The following ANXA8 variants were observed in gnomAD, a reference collection of about 807,000 sequenced individuals.
ANXA8 encodes the protein annexin A8, also known as VAC-beta.
A neutral mutation model predicts 26.8 loss-of-function variants in ANXA8; 9 were observed. The ratio of observed to expected loss-of-function variants is 0.34; its 90% confidence interval spans 0.20 to 0.59. The LOEUF (loss-of-function observed/expected upper bound fraction) is 0.59, where lower values mean the gene tolerates loss of function less well. Among genes scored for constraint, ANXA8 ranks in the 20% least tolerant of loss-of-function variants. The pLI is 0.84. For synonymous variants in ANXA8, 39 were observed against 94.8 expected (o/e 0.41, Z 3.42); for missense variants, 83 against 238.5 (o/e 0.35, Z 4.29).
At chr10:47,524,166 A>T in the ANXA8 span, among the ~76,000 whole-genome samples, 3 of 132,338 alleles carry the variant, frequency 2.3e-5, no homozygotes, top group East Asian at 6.9e-4. Context: ...CATTCCTCGA[A>T]GCCAGCTTCC....
the ANXA8 span, among the ~76,000 whole-genome samples, chr10:47,639,841 T>C: frequency 7.0e-6 from 1 of 142,292 alleles, no homozygotes; most frequent in Non-Finnish European, 1.5e-5. Context: ...GCAGTGGCAT[T>C]ATCTCGACTC....
chr10:47,894,695 C>T, the ANXA8 span, among the ~76,000 whole-genome samples: 27 of 152,072 alleles, frequency 1.8e-4, no homozygotes, highest in Non-Finnish European at 2.9e-5. Context: ...CATACAGACA[C>T]ACATACTAAC....
chr10:47,950,484 C>G, the ANXA8 span, among the ~76,000 whole-genome samples: 1 of 151,254 alleles, frequency 6.6e-6, no homozygotes, highest in East Asian at 2.0e-4. Flanking sequence ...GTTTAATCAA[C>G]AGCGCAATAA....
the ANXA8 span, among the ~76,000 whole-genome samples, chr10:47,679,902 A>G: frequency 1.3e-5 from 2 of 152,066 alleles, no homozygotes; most frequent in African/African-American, 4.8e-5. Context: ...TGGGAGACAG[A>G]GCAAGATCCT....
At chr10:47,682,533 G>A in the ANXA8 span, among the ~76,000 whole-genome samples, 17 of 147,948 alleles carry the variant, frequency 1.1e-4, no homozygotes, top group Non-Finnish European at 8.9e-5. Context: ...ACAGTGACGC[G>A]ATCTTGGCTC....
chr10:47,759,524 CG>C, the ANXA8 span: 3 of 250,860 alleles, frequency 1.2e-5, no homozygotes, highest in Admixed American at 7.0e-5. Context: ...TCAAGGGTCC[CG>C]GGGGCTGCAG....
At chr10:47,895,288 G>A in the ANXA8 span, among the ~76,000 whole-genome samples, 3 of 152,342 alleles carry the variant, frequency 2.0e-5, no homozygotes, top group Non-Finnish European at 4.4e-5. Flanking sequence ...AACCAGGAGT[G>A]CTTGGAGGGA....
chr10:47,607,407 C>A, the ANXA8 span, among the ~76,000 whole-genome samples: 3 of 149,460 alleles, frequency 2.0e-5, no homozygotes, highest in South Asian at 2.1e-4. Context: ...GTTCATCCAG[C>A]CTTCATTCAC....
the ANXA8 span, among the ~76,000 whole-genome samples, chr10:47,674,741 ATAT>A: frequency 6.6e-6 from 1 of 151,786 alleles, no homozygotes; most frequent in Non-Finnish European, 1.5e-5. Flanking sequence ...AATTTTTAAA[ATAT>A]TAGTATGGAC....
the ANXA8 span, among the ~76,000 whole-genome samples, chr10:47,761,102 GCACACACACACACACA>G: frequency 1.4e-5 from 2 of 145,492 alleles, no homozygotes; most frequent in African/African-American, 5.1e-5. Flanking sequence ...ACACACACAC[GCACACACACACACACA>G]CACACACACA....
the ANXA8 span, among the ~76,000 whole-genome samples, chr10:47,743,176 A>C: frequency 7.2e-6 from 1 of 139,288 alleles, no homozygotes; most frequent in Non-Finnish European, 1.5e-5. Flanking sequence ...GTCTCAAAAA[A>C]AAAAAAAAAA....
At chr10:47,719,163 T>C in the ANXA8 span, among the ~76,000 whole-genome samples, 3 of 129,686 alleles carry the variant, frequency 2.3e-5, no homozygotes, top group Non-Finnish European at 4.9e-5. Context: ...TTTGGCTTTT[T>C]TTTTTTTTTT....
the ANXA8 span, chr10:47,716,003 C>T: frequency 1.0e-5 from 13 of 1,250,186 alleles, no homozygotes; most frequent in African/African-American, 6.6e-5. Flanking sequence ...CCCCGCTCAG[C>T]CTTTCGCGTA....
the ANXA8 span, among the ~76,000 whole-genome samples, chr10:47,556,588 AT>A: frequency 6.6e-6 from 1 of 151,858 alleles, no homozygotes; most frequent in Non-Finnish European, 1.5e-5. Flanking sequence ...AATACCTAAC[AT>A]AAAAGAAAGC....
chr10:47,530,448 G>A, the ANXA8 span, among the ~76,000 whole-genome samples: 5 of 148,778 alleles, frequency 3.4e-5, no homozygotes, highest in South Asian at 2.1e-4. Flanking sequence ...AGCACTTTGG[G>A]AGGCTGAGGC....
At chr10:47,658,449 G>A in the ANXA8 span, among the ~76,000 whole-genome samples, 202 of 149,700 alleles carry the variant, frequency 1.3e-3, 1 homozygote, top group Admixed American at 2.8e-3. Flanking sequence ...ACTACTGGAT[G>A]CCTGTTTGGT....
chr10:47,626,120 T>A, the ANXA8 span, among the ~76,000 whole-genome samples: 3 of 150,398 alleles, frequency 2.0e-5, 1 homozygote, highest in African/African-American at 7.5e-5. Flanking sequence ...GACAATTATA[T>A]GTTATTTGAA....
chr10:47,485,871 G>A (rs1308855487), upstream of ANXA8, among the ~76,000 whole-genome samples: 1 of 151,880 alleles, frequency 6.6e-6, no homozygotes, highest in Non-Finnish European at 1.5e-5. Context: ...CACTTTGGGA[G>A]GCCAAGACAG....
the ANXA8 span, among the ~76,000 whole-genome samples, chr10:47,683,127 G>A: frequency 1.3e-5 from 2 of 151,518 alleles, no homozygotes; most frequent in Non-Finnish European, 1.5e-5. Context: ...TTTTGTTTCT[G>A]AGGAAAAAAA....
Sources: allele counts gnomAD v4.1 joint callset (sites outside exome capture counted in the v4.1 genomes callset), GRCh38; gene constraint gnomAD v4.1.1; transcripts MANE v1.5; gene names NCBI Gene and HGNC (gene_info 2026-07-23, HGNC 2026-07-21).